The following DNMT3A variants were observed in gnomAD, a reference collection of about 807,000 sequenced individuals.
The protein encoded by DNMT3A is DNA methyltransferase 3 alpha.
Under a neutral mutation model 117.6 loss-of-function variants are expected in DNMT3A, and 267 were observed. The ratio of observed to expected loss-of-function variants is 2.27; its 90% CI spans 2.05 to 2.51. The LOEUF (loss-of-function observed/expected upper bound fraction) is 2.51. Among genes scored for constraint, DNMT3A ranks in the 30% most tolerant of loss-of-function variants. The probability of loss-of-function intolerance (pLI) is 0.00; values close to 1 mark genes in which losing one functional copy is unlikely to be tolerated. For synonymous variants in DNMT3A, 432 were observed against 474.8 expected, an observed-to-expected ratio of 0.91 and a Z score of 1.17; for missense variants, 1,029 against 1,260.2, an observed-to-expected ratio of 0.82 and a Z score of 2.78.
Position 25,282,808 on chromosome 2 carries a change from G to A in DNMT3A, c.178-97C>T. On this transcript the variant is annotated intron_variant, in intron 3 of 22. Coordinates refer to ENST00000321117, the MANE Select transcript of DNMT3A (RefSeq NM_022552.5). This position sits in a 1 kb window ranked among gnomAD's most constrained non-coding sequence, Gnocchi z 5.2. ...GCTCTGAAATTCTAGAGAATGTTAT[G>A]CACTTTCTGTCCAGAAACTGTGTTC... 1 of 1,391,242 alleles carries A rather than the reference G, an allele frequency of 7.2e-7. No homozygotes were observed. The highest frequency in any genetic ancestry group is 1.5e-5 in the South Asian group (1 of 65,086). The allele number at this position is 1,391,242 out of a possible 1,614,324, so 86.2% of individuals were successfully genotyped here. A position where few individuals can be genotyped will look rare whatever the true frequency, so the allele number is the denominator to read the frequency against.
intron 6 of DNMT3A, among the ~76,000 whole-genome samples, chr2:25,265,890 T>C (rs2149352232): frequency 6.6e-6 from 1 of 152,238 alleles, no homozygotes; most frequent in East Asian, 1.9e-4. Context: ...GCTCCTGGCA[T>C]AGTGCCTGAT....
In DNMT3A at chr2:25,281,677, C is replaced by A; in HGVS notation, c.448+764G>T. 1 of 1,065,684 alleles carries A rather than the reference C, an allele frequency of 9.4e-7. No homozygotes were observed. Among genetic ancestry groups the A allele is most frequent in the Non-Finnish European group, 1.1e-6 (1 of 879,464 alleles). The allele number at this position is 1,065,684 out of a possible 1,614,324, so 66.0% of individuals were successfully genotyped here. On this transcript the variant is annotated intron_variant, in intron 4 of 22. Coordinates refer to ENST00000321117, the MANE Select transcript of DNMT3A (RefSeq NM_022552.5). This position sits in a 1 kb window ranked among gnomAD's most constrained non-coding sequence, Gnocchi z 4.8. ...AGAAAGCGCTTTGTAAACTGTGAAG[C>A]CCTGTACAAATGCTAGTTGTCCTCA...
rs1374973797 is a variant in DNMT3A, at chr2:25,230,898, G to A, written c.*3381C>T. The A allele has an allele frequency of 6.6e-6, 1 of 151,202 alleles. No homozygotes were observed. The highest frequency in any genetic ancestry group is 1.5e-5 in the Non-Finnish European group (1 of 68,052). 9.4% of individuals were successfully genotyped at this position (151,202 alleles called of 1,614,324 possible). ...GTGCTCTCAAGCTGTCAGCCATAAG[G>A]GCTCCTCTGTGCCCAGCACTCCCTC... On this transcript the variant is annotated 3_prime_UTR_variant, in exon 23 of 23. Coordinates refer to ENST00000321117, the MANE Select transcript of DNMT3A (RefSeq NM_022552.5).
At chr2:25,278,042 C>CACACACAA (rs150400657) in intron 4 of DNMT3A, among the ~76,000 whole-genome samples, 1 of 146,294 alleles carries the variant, frequency 6.8e-6, no homozygotes, top group African/African-American at 2.6e-5. Flanking sequence ...CACACACAGA[C>CACACACAA]ACACACGCTT....
At chr2:25,283,664 G>C (rs2032066658) in intron 3 of DNMT3A, among the ~76,000 whole-genome samples, 1 of 152,238 alleles carries the variant, frequency 6.6e-6, no homozygotes, top group Admixed American at 6.5e-5. Flanking sequence ...CAGTTTTCAG[G>C]CTCTGCAACA....
chr2:25,251,180 G>T (rs1675505715), intron 6 of DNMT3A, among the ~76,000 whole-genome samples: 1 of 147,516 alleles, frequency 6.8e-6, no homozygotes, highest in Non-Finnish European at 1.5e-5. Context: ...GAGCAGCAGG[G>T]GGCCTGACGA....
chr2:25,340,641 C>A (rs563191833), intron 1 of DNMT3A, among the ~76,000 whole-genome samples: 1 of 152,056 alleles, frequency 6.6e-6, no homozygotes, highest in Non-Finnish European at 1.5e-5. Context: ...CCGAAGACCC[C>A]GCTCCGCAGC....
chr2:25,283,524 T>A (rs1170891362), intron 3 of DNMT3A, among the ~76,000 whole-genome samples: 2 of 152,152 alleles, frequency 1.3e-5, no homozygotes, highest in East Asian at 1.9e-4. Flanking sequence ...TCTTGAGGCA[T>A]GAGAGTCGAA....
chr2:25,251,069 A>C lies in DNMT3A; in HGVS notation c.640-2817T>G, dbSNP rs115357507. On this transcript the variant is annotated intron_variant, in intron 6 of 22. Coordinates refer to ENST00000321117, the MANE Select transcript of DNMT3A (RefSeq NM_022552.5). The stretch of plus-strand genomic sequence containing the variant: ...GCATCCCCAGCCCACTTGGTGCAGA[A>C]CACGCACCCGGCCCGGTAAGGGCTG... 4.7e-3 allele frequency among the ~76,000 whole-genome samples: 707 copies of C among 149,510 alleles called. 7 individuals are homozygous for C. The highest frequency in any genetic ancestry group is 0.017 in the African/African-American group (678 of 40,976).
chr2:25,299,729 G>C (rs375305037), intron 3 of DNMT3A, among the ~76,000 whole-genome samples: 1 of 152,154 alleles, frequency 6.6e-6, no homozygotes, highest in Non-Finnish European at 1.5e-5. Flanking sequence ...TCAGGAGTTC[G>C]ACACCAGCCT....
Position 25,234,338 on chromosome 2 carries a change from T to TC in DNMT3A, c.2679dup (p.Ser894GlufsTer27). On this transcript the variant is annotated frameshift_variant, in exon 23 of 23. Coordinates refer to ENST00000321117, the MANE Select transcript of DNMT3A (RefSeq NM_022552.5). LOFTEE classifies it high-confidence loss of function. This position sits in a 1 kb window ranked among gnomAD's most constrained non-coding sequence, Gnocchi z 4.5. ...AAGAGGTGGCGGATGACTGGCACGCTCCATGACCGGCCCAGCAGTCTCTGC... is the reference window on the plus strand; with the variant it reads ...AAGAGGTGGCGGATGACTGGCACGCTCCCATGACCGGCCCAGCAGTCTCTGC... 1 of 1,614,142 alleles carries TC rather than the reference T, an allele frequency of 6.2e-7. No individual in the cohort carries two copies. Among genetic ancestry groups the TC allele is most frequent in the Non-Finnish European group, 8.5e-7 (1 of 1,180,008 alleles).
rs769345531 is a variant in DNMT3A at position 25,234,233 on chromosome 2, T to C, written c.*46A>G. ...TTTATTATGTTTTGTGTTTTTTGTT[T>C]GTTTGTTTAACTTTGTGTCGCTACC... On this transcript the variant is annotated 3_prime_UTR_variant, in exon 23 of 23. Coordinates refer to ENST00000321117, the MANE Select transcript of DNMT3A (RefSeq NM_022552.5). The surrounding 1 kb of genome is among the most constrained non-coding windows in gnomAD (Gnocchi z 4.5). The C allele has an allele frequency of 6.4e-7, 1 of 1,570,148 alleles. No homozygotes were observed. Among genetic ancestry groups the C allele is most frequent in the East Asian group, 2.3e-5 (1 of 43,482 alleles).
At chr2:25,275,167 T>G (rs1321967158) in intron 5 of DNMT3A, 80 bp from the exon 6 acceptor site, 1 of 1,463,348 alleles carries the variant, frequency 6.8e-7, no homozygotes, top group Non-Finnish European at 9.1e-7. Flanking sequence ...TCAAACACAA[T>G]GTGGACACTG....
intron 2 of DNMT3A, among the ~76,000 whole-genome samples, chr2:25,303,041 C>G (rs1460358182): frequency 6.6e-6 from 1 of 152,162 alleles, no homozygotes; most frequent in African/African-American, 2.4e-5. Context: ...AGGGTCTGCC[C>G]CTTTGTCTGT....
chr2:25,314,824 C>T (rs1271945532), intron 1 of DNMT3A, among the ~76,000 whole-genome samples: 1 of 152,240 alleles, frequency 6.6e-6, no homozygotes, highest in Non-Finnish European at 1.5e-5. Flanking sequence ...GAACCAGCCT[C>T]ATTTGCCTGC....
rs1371823593 is a variant in DNMT3A at position 25,228,488 on chromosome 2, A to G, written c.*5791T>C. On this transcript the variant is annotated 3_prime_UTR_variant, in exon 23 of 23. Coordinates refer to ENST00000321117, the MANE Select transcript of DNMT3A (RefSeq NM_022552.5). ...GGAGTTTATTCTTCAGTATGAATAC[A>G]TGATTTCCCACAAATAAGTAAGCAC... 2 of 152,060 alleles carry G rather than the reference A, an allele frequency of 1.3e-5. No homozygotes were observed. Among genetic ancestry groups the G allele is most frequent in the African/African-American group, 2.4e-5 (1 of 41,404 alleles). 9.4% of individuals were successfully genotyped at this position (152,060 alleles called of 1,614,324 possible). A position where few individuals can be genotyped will look rare whatever the true frequency, so the allele number is the denominator to read the frequency against.
chr2:25,339,979 T>TG lies in DNMT3A; in HGVS notation c.-178+1846dup, dbSNP rs2035350631. On this transcript the variant is annotated intron_variant, in intron 1 of 22. Transcript: ENST00000321117. This position sits in a 1 kb window ranked among gnomAD's most constrained non-coding sequence, Gnocchi z 4.9. ...GCCGCTGGCAGCCTAGGGTGAAACA[T>TG]GAAGACTGAGCAGGCCCTCAGGGAT... is the stretch of plus-strand genomic sequence containing the variant. Among the ~76,000 whole-genome samples, 2 of 152,126 alleles carry TG rather than the reference T, an allele frequency of 1.3e-5. No individual in the cohort carries two copies. The highest frequency in any genetic ancestry group is 2.4e-5 in the African/African-American group (1 of 41,430).
At chr2:25,319,849 A>C (rs2034528764) in intron 1 of DNMT3A, among the ~76,000 whole-genome samples, 1 of 150,362 alleles carries the variant, frequency 6.7e-6, no homozygotes, top group South Asian at 2.1e-4. Flanking sequence ...GGCTCACCAC[A>C]ACCTCTGCCT....
rs1673013323 is a variant in DNMT3A, at chr2:25,233,764, TAAAAAAAAAAACCCA to T, written c.*500_*514del. The T allele has an allele frequency of 1.6e-5, 1 of 62,108 alleles. No homozygotes were observed. Among genetic ancestry groups the T allele is most frequent in the Non-Finnish European group, 2.9e-5 (1 of 34,422 alleles). 3.8% of individuals were successfully genotyped at this position (62,108 alleles called of 1,614,324 possible). On this transcript the variant is annotated 3_prime_UTR_variant, in exon 23 of 23. Coordinates refer to ENST00000321117, the MANE Select transcript of DNMT3A (RefSeq NM_022552.5). ...GAGACAACAAAAAAAAGATATATAG[TAAAAAAAAAAACCCA>T]AAAAAAAAAAACAAAAAACAAAAAA...
Sources: allele counts gnomAD v4.1 joint callset (sites outside exome capture counted in the v4.1 genomes callset), GRCh38; gene constraint gnomAD v4.1.1; non-coding constraint Gnocchi (gnomAD v3.1); transcripts MANE v1.5; gene names NCBI Gene and HGNC (gene_info 2026-07-23, HGNC 2026-07-21).